Variants in ZNF330 observed in about 807,000 individuals in gnomAD.
The protein encoded by ZNF330 is zinc finger protein 330.
A neutral mutation model predicts 45.5 loss-of-function variants in ZNF330; 31 were observed. That is an observed-to-expected ratio of 0.68 (90% confidence interval 0.51 to 0.92). The LOEUF is 0.92. Among genes scored for constraint, ZNF330 ranks in the 40% least tolerant of loss-of-function variants. The pLI is 0.00. For missense variants in ZNF330, 356 were observed against 387.4 expected, an observed-to-expected ratio of 0.92 and a Z score of 0.68; for synonymous variants, 138 against 123.2, an observed-to-expected ratio of 1.12 and a Z score of -0.79.
chr4:141,233,858 G>A lies in ZNF330; in HGVS notation c.832G>A (p.Glu278Lys), dbSNP rs766486389. ...TGAGGAGGAGGATGAGTATGAAGCA[G>A]AGGATGATGAAGAGGAAGAAGATGA... ...HDEEEDEYEA[E>K]DDEEEEDEGR... The change falls in exon 10 of 10, where the codon GAG (glutamate) becomes AAG (lysine). Residue 278 changes from glutamate (E) to lysine (K), a missense_variant. Transcript: ENST00000262990. 2.5e-6 allele frequency: 4 copies of A among 1,613,750 alleles called. No individual in the cohort carries two copies. In the South Asian group the frequency reaches 3.3e-5, roughly 13 times the overall value.
intron 5 of ZNF330, 125 bp downstream of exon 5, chr4:141,226,971 C>A: frequency 1.5e-6 from 1 of 686,220 alleles, no homozygotes. Context: ...CTGTAGTTAT[C>A]TGGATTATGA....
chr4:141,220,720 G>A (rs1242861009), upstream of ZNF330, among the ~76,000 whole-genome samples: 1 of 152,150 alleles, frequency 6.6e-6, no homozygotes, highest in Non-Finnish European at 1.5e-5. Context: ...AAAACTGAGG[G>A]GGCCTTCCCC....
In ZNF330 at chr4:141,229,627, T is replaced by G; in HGVS notation, c.348T>G (p.Ser116Arg). 6.2e-7 allele frequency: 1 copy of G among 1,613,256 alleles called. No individual in the cohort carries two copies. Among genetic ancestry groups the G allele is most frequent in the Middle Eastern group, 1.7e-4 (1 of 6,056 alleles). ...AWVCHGRKCLSTHACACPLTD... is the reference protein window; with the variant it reads ...AWVCHGRKCLRTHACACPLTD... Reference sequence around the variant, plus strand: ...TTTGCCATGGTAGGAAATGTCTCAGTACACATGCTTGTGCCTGCCCTCTTA... The same window carrying G: ...TTTGCCATGGTAGGAAATGTCTCAGGACACATGCTTGTGCCTGCCCTCTTA... The change falls in exon 6 of 10, where the codon AGT (serine) becomes AGG (arginine). Residue 116 changes from serine to arginine, a missense_variant. Physicochemically the swap from Ser to Arg is moderately radical, Grantham distance 110 (BLOSUM62 -1). Transcript: ENST00000262990.
chr4:141,233,658 T>C (rs1729011479), intron 9 of ZNF330, 57 bp from the exon 10 acceptor site: 1 of 1,507,986 alleles, frequency 6.6e-7, no homozygotes. Context: ...TAGAGGAAGA[T>C]GAGAATGTAG....
At position 141,233,947 on chromosome 4, in the gene ZNF330, C is replaced by G; in HGVS notation, c.921C>G (p.Thr307=). Residue 307 remains threonine (T), a synonymous_variant, in exon 10 of 10, where the codon ACC becomes ACG. Transcript: ENST00000262990. ...DLFTNLNLGR[T]YASGYAHYEE... ...TTACTAATTTGAATTTAGGAAGGACCTATGCTAGTGGCTATGCTCACTATG... is the reference window on the plus strand; with the variant it reads ...TTACTAATTTGAATTTAGGAAGGACGTATGCTAGTGGCTATGCTCACTATG... 6.2e-7 allele frequency: 1 copy of G among 1,613,594 alleles called. No individual in the cohort carries two copies.
intron 6 of ZNF330, among the ~76,000 whole-genome samples, chr4:141,229,932 T>C (rs897525317): frequency 4.6e-5 from 7 of 152,040 alleles, no homozygotes; most frequent in African/African-American, 1.2e-4. Flanking sequence ...TCTTTGAGCA[T>C]TGTGAGTGTT....
At chr4:141,221,160 C>G (rs998546436) in intron 1 of ZNF330, 52 bp downstream of exon 1, 2 of 152,324 alleles carry the variant, frequency 1.3e-5, no homozygotes, top group Admixed American at 1.3e-4. Flanking sequence ...TGCGGGTCCC[C>G]GAGCCGCCTG....
At chr4:141,221,165 C>A (rs1728666168) in intron 1 of ZNF330, 57 bp downstream of exon 1, 1 of 152,396 alleles carries the variant, frequency 6.6e-6, no homozygotes, top group Non-Finnish European at 1.5e-5. Flanking sequence ...GTCCCCGAGC[C>A]GCCTGGCACC....
chr4:141,224,335 T>C (rs943177407), intron 2 of ZNF330, 152 bp from the exon 3 acceptor site: 4 of 681,918 alleles, frequency 5.9e-6, no homozygotes, highest in Non-Finnish European at 1.0e-5. Flanking sequence ...ATTTTAAGCA[T>C]GGGTAGGTGC....
At chr4:141,227,749 A>G (rs1473678285) in intron 5 of ZNF330, among the ~76,000 whole-genome samples, 1 of 152,170 alleles carries the variant, frequency 6.6e-6, no homozygotes, top group African/African-American at 2.4e-5. Context: ...CTTTGGTTAA[A>G]TAAGCAACTT....
In ZNF330 at chr4:141,230,127, G is replaced by T. The variant is rs766074969; in HGVS notation, c.419-39G>T. The T allele has an allele frequency of 2.7e-5, 39 of 1,425,578 alleles. No individual in the cohort carries two copies. In the East Asian group the frequency reaches 8.5e-4, roughly 31 times the overall value. 88.3% of individuals were successfully genotyped at this position (1,425,578 alleles called of 1,614,324 possible). A position where few individuals can be genotyped will look rare whatever the true frequency, so the allele number is the denominator to read the frequency against. The stretch of plus-strand genomic sequence containing the variant: ...TAGATATGAGTTTTTTTAAATTAAA[G>T]TTTATCTTAATTACATTTGTGTTTT... On this transcript the variant is annotated intron_variant, in intron 6 of 9. Coordinates refer to ENST00000262990, the MANE Select transcript of ZNF330 (RefSeq NM_014487.6).
chr4:141,221,159 C>G (rs1422540707), intron 1 of ZNF330, 51 bp downstream of exon 1: 1 of 152,352 alleles, frequency 6.6e-6, no homozygotes, highest in Non-Finnish European at 1.5e-5. Flanking sequence ...TTGCGGGTCC[C>G]CGAGCCGCCT....
In ZNF330 at chr4:141,226,757, T is replaced by C; in HGVS notation, c.212-10T>C. 6.2e-7 allele frequency: 1 copy of C among 1,611,270 alleles called. No homozygotes were observed. Among genetic ancestry groups the C allele is most frequent in the Middle Eastern group, 1.7e-4 (1 of 6,042 alleles). ...GCAAGACTAACAGTGCAAATGTTTT[T>C]CTTCATTAGGGAAAACAAAGTGCAT... On this transcript the variant is annotated splice_polypyrimidine_tract_variant and intron_variant, in intron 4 of 9. Transcript: ENST00000262990.
intron 5 of ZNF330, among the ~76,000 whole-genome samples, chr4:141,229,174 T>C (rs1728885065): frequency 6.6e-6 from 1 of 152,122 alleles, no homozygotes; most frequent in Non-Finnish European, 1.5e-5. Context: ...TGGTAGTATT[T>C]AAAAATTCAG....
chr4:141,231,957 CT>C (rs1728971062), intron 8 of ZNF330, among the ~76,000 whole-genome samples: 1 of 152,064 alleles, frequency 6.6e-6, no homozygotes, highest in Non-Finnish European at 1.5e-5. Context: ...TCTTATTTAT[CT>C]TCCAACTCTG....
At chr4:141,225,533 GATA>G (rs3039631) in intron 4 of ZNF330, among the ~76,000 whole-genome samples, 3 of 151,102 alleles carry the variant, frequency 2.0e-5, no homozygotes, top group East Asian at 2.0e-4. Flanking sequence ...TTATTTATGA[GATA>G]ATAATAATAA....
chr4:141,227,107 C>T (rs75128051), intron 5 of ZNF330, among the ~76,000 whole-genome samples: 1,585 of 150,792 alleles, frequency 0.011, 28 homozygotes, highest in African/African-American at 0.037. Context: ...TTTCATTTCT[C>T]AGTGGTACCT....
In ZNF330 at chr4:141,234,321, GAAATT is replaced by G. The variant is rs143839575; in HGVS notation, c.*339_*343del. ...GAATAGGATGGTAATATATTTGTTTGAAATTAAATTACTGTTTTTATTAAAAAATA... is the reference window on the plus strand; with the variant it reads ...GAATAGGATGGTAATATATTTGTTTGAAATTACTGTTTTTATTAAAAAATA... On this transcript the variant is annotated 3_prime_UTR_variant, in exon 10 of 10. Coordinates refer to ENST00000262990, the MANE Select transcript of ZNF330 (RefSeq NM_014487.6). 1.5e-3 allele frequency: 271 copies of G among 182,746 alleles called. 2 individuals carry two copies. The highest frequency in any genetic ancestry group is 6.2e-3 in the African/African-American group (264 of 42,712). The allele number at this position is 182,746 out of a possible 1,614,324, so 11.3% of individuals were successfully genotyped here.
intron 5 of ZNF330, among the ~76,000 whole-genome samples, chr4:141,227,663 T>C (rs2111252967): frequency 6.6e-6 from 1 of 152,202 alleles, no homozygotes; most frequent in South Asian, 2.1e-4. Flanking sequence ...CAGTGGTACC[T>C]TTCTAATATC....
Sources: gnomAD v4.1 joint callset for allele counts (sites outside exome capture counted in the v4.1 genomes callset) on GRCh38, gnomAD v4.1.1 for gene constraint, MANE v1.5 for transcripts, NCBI Gene and HGNC (gene_info 2026-07-23, HGNC 2026-07-21) for gene names.